The following GABRG1 variants were observed in gnomAD, a reference collection of about 807,000 sequenced individuals.
GABRG1 encodes gamma-aminobutyric acid type A receptor subunit gamma1.
GABRG1 carries 49 observed loss-of-function variants against 49.8 expected under a neutral mutation model. The observed-to-expected ratio is 0.98, with a 90% CI of 0.78 to 1.25. The LOEUF (loss-of-function observed/expected upper bound fraction) is 1.25. GABRG1 is among the 50% of genes most tolerant of loss of function. The pLI is 0.00. For missense variants in GABRG1, 552 were observed against 552.3 expected (o/e 1.00, Z 0.01); for synonymous variants, 232 against 185.1 (o/e 1.25, Z -2.06).
At chr4:46,060,346 G>T (rs1474188608) in intron 5 of GABRG1, among the ~76,000 whole-genome samples, 2 of 151,938 alleles carry the variant, frequency 1.3e-5, no homozygotes, top group Non-Finnish European at 2.9e-5. Context: ...TTTATGTGGA[G>T]ATTATGTTCT....
At position 46,058,351 on chromosome 4, in the gene GABRG1, G is replaced by C; in HGVS notation, c.782C>G (p.Thr261Arg). The change falls in exon 7 of 9, where the codon ACA becomes AGA. Residue 261 changes from threonine (T) to arginine (R), a missense_variant. Thr to Arg is a moderately conservative substitution (Grantham distance 71). Transcript: ENST00000295452. ...HTISGDYVIM[T>R]IFFDLSRRMG... ...TCTTCTGCTCAGGTCAAAAAAAATT[G>C]TCATGATAACATAATCCCCTGTAAG... 2 of 1,611,314 alleles carry C rather than the reference G, an allele frequency of 1.2e-6. No individual in the cohort carries two copies. Among genetic ancestry groups the C allele is most frequent in the East Asian group, 4.5e-5 (2 of 44,778 alleles).
intron 3 of GABRG1, among the ~76,000 whole-genome samples, chr4:46,069,003 A>C (rs1719021004): frequency 6.6e-6 from 1 of 152,116 alleles, no homozygotes. Flanking sequence ...AATAAATGTG[A>C]AGTGAGCCAT....
At chr4:46,075,483 A>G (rs887595496) in intron 3 of GABRG1, among the ~76,000 whole-genome samples, 2 of 152,062 alleles carry the variant, frequency 1.3e-5, no homozygotes, top group Admixed American at 1.3e-4. Context: ...GGCGTGAGCC[A>G]CTGTGCCCAG....
intron 5 of GABRG1, among the ~76,000 whole-genome samples, chr4:46,062,712 A>C (rs565362041): frequency 6.6e-6 from 1 of 152,108 alleles, no homozygotes; most frequent in Non-Finnish European, 1.5e-5. Flanking sequence ...CAATTAGGAA[A>C]AGAGGAAGTC....
chr4:46,050,908 A>C (rs1718189797), intron 8 of GABRG1, among the ~76,000 whole-genome samples: 1 of 151,934 alleles, frequency 6.6e-6, no homozygotes, highest in African/African-American at 2.4e-5. Flanking sequence ...TGAGTATATT[A>C]GATTCAGGAG....
At chr4:46,054,786 G>A (rs1468069549) in intron 7 of GABRG1, among the ~76,000 whole-genome samples, 1 of 13,198 alleles carries the variant, frequency 7.6e-5, no homozygotes, top group Non-Finnish European at 1.3e-4. Flanking sequence ...CAATCATGTC[G>A]TCTGCAAACA....
At chr4:46,106,652 G>A (rs747130641) in intron 1 of GABRG1, among the ~76,000 whole-genome samples, 4 of 151,336 alleles carry the variant, frequency 2.6e-5, no homozygotes, top group Admixed American at 6.6e-5. Flanking sequence ...TGGATAATAT[G>A]TTAAATTCAA....
intron 7 of GABRG1, among the ~76,000 whole-genome samples, chr4:46,056,150 T>TAAAAAAAAAAAAAA (rs1491407033): frequency 1.5e-4 from 7 of 46,066 alleles, no homozygotes; most frequent in Non-Finnish European, 2.1e-4. Flanking sequence ...AATAAATAAA[T>TAAAAAAAAAAAAAA]TAAAAAAAAA....
rs191030700 is a variant in GABRG1, at chr4:46,114,509, C to T, written c.104+9301G>A. Among the ~76,000 whole-genome samples the T allele has an allele frequency of 2.8e-3, 416 of 150,822 alleles. 3 individuals carry two copies. Among genetic ancestry groups the T allele is most frequent in the African/African-American group, 9.7e-3 (400 of 41,308 alleles). On this transcript the variant is annotated intron_variant, in intron 1 of 8. Coordinates refer to ENST00000295452, the MANE Select transcript of GABRG1 (RefSeq NM_173536.4). ...AATTAATTACTTATTTATTTATGAC[C>T]GTCTCTAAGCTTTAAGCAATTTGAA... is the stretch of plus-strand genomic sequence containing the variant.
chr4:46,110,030 A>G (rs1055782371), intron 1 of GABRG1, among the ~76,000 whole-genome samples: 3 of 151,008 alleles, frequency 2.0e-5, no homozygotes, highest in African/African-American at 7.3e-5. Context: ...TGCTAGTTCC[A>G]ATTGGTCAAG....
chr4:46,117,835 T>G (rs181073842), intron 1 of GABRG1, among the ~76,000 whole-genome samples: 1 of 104,126 alleles, frequency 9.6e-6, no homozygotes. Context: ...CATATATACA[T>G]ATGTATACAT....
At chr4:46,115,812 C>A (rs1174224459) in intron 1 of GABRG1, among the ~76,000 whole-genome samples, 2 of 150,498 alleles carry the variant, frequency 1.3e-5, no homozygotes, top group East Asian at 3.9e-4. Context: ...AATTGCCAAT[C>A]ATATCAGAGC....
intron 8 of GABRG1, among the ~76,000 whole-genome samples, chr4:46,044,954 A>C (rs1424408451): frequency 6.6e-6 from 1 of 152,122 alleles, no homozygotes. Flanking sequence ...TTTAGAATGT[A>C]TATGTGTATA....
intron 3 of GABRG1, among the ~76,000 whole-genome samples, chr4:46,065,992 G>C (rs1215592882): frequency 6.6e-6 from 1 of 152,144 alleles, no homozygotes; most frequent in African/African-American, 2.4e-5. Flanking sequence ...AAAGTGCTGG[G>C]ATTACAGGCG....
chr4:46,065,625 T>C (rs549179475), intron 3 of GABRG1, 41 bp from the exon 4 acceptor site: 1 of 909,866 alleles, frequency 1.1e-6, no homozygotes, highest in South Asian at 1.5e-5. Context: ...GTAAAGCTAC[T>C]ATTTTAGTTG....
At chr4:46,122,564 A>T (rs1044762930) in intron 1 of GABRG1, among the ~76,000 whole-genome samples, 1 of 152,064 alleles carries the variant, frequency 6.6e-6, no homozygotes, top group Non-Finnish European at 1.5e-5. Context: ...CTTCAGTCCT[A>T]CAAAAGCACT....
intron 2 of GABRG1, among the ~76,000 whole-genome samples, chr4:46,092,790 G>A (rs573511323): frequency 1.1e-4 from 17 of 151,844 alleles, no homozygotes; most frequent in African/African-American, 2.4e-4. Flanking sequence ...GGCCAGGAGC[G>A]GTGGCTCACA....
chr4:46,040,539 T>C lies in GABRG1; in HGVS notation c.*449A>G, dbSNP rs1203089750. On this transcript the variant is annotated 3_prime_UTR_variant, in exon 9 of 9. Transcript: ENST00000295452. ...ACTAACTGTATTTCAAGCAGGGTAATCAAATGAAAAGCAAGAAAAAACAAA... is the reference window on the plus strand; with the variant it reads ...ACTAACTGTATTTCAAGCAGGGTAACCAAATGAAAAGCAAGAAAAAACAAA... The C allele has an allele frequency of 6.5e-6, 1 of 152,706 alleles. No individual in the cohort carries two copies. Among genetic ancestry groups the C allele is most frequent in the Non-Finnish European group, 1.5e-5 (1 of 68,234 alleles). The allele number at this position is 152,706 out of a possible 1,614,324, so 9.5% of individuals were successfully genotyped here.
intron 7 of GABRG1, among the ~76,000 whole-genome samples, chr4:46,056,610 T>C (rs939075057): frequency 6.6e-6 from 1 of 152,168 alleles, no homozygotes; most frequent in African/African-American, 2.4e-5. Flanking sequence ...GTACATTACC[T>C]GTTTTCTCTA....
Sources: gnomAD v4.1 joint callset for allele counts (sites outside exome capture counted in the v4.1 genomes callset) on GRCh38, gnomAD v4.1.1 for gene constraint, MANE v1.5 for transcripts, NCBI Gene and HGNC (gene_info 2026-07-23, HGNC 2026-07-21) for gene names.